Variants in ME3 observed in about 807,000 individuals in gnomAD.
ME3 encodes the protein malic enzyme 3.
A neutral mutation model predicts 68.9 loss-of-function variants in ME3; 48 were observed. That is an observed-to-expected ratio of 0.70 (90% confidence interval 0.55 to 0.89). ME3 has a LOEUF of 0.89. Among genes scored for constraint, ME3 ranks in the 40% least tolerant of loss-of-function variants. ME3 has a pLI of 0.00. For synonymous variants in ME3, 320 were observed against 318.8 expected (o/e 1.00, Z -0.04); for missense variants, 675 against 797.4 (o/e 0.85, Z 1.85).
intron 4 of ME3, among the ~76,000 whole-genome samples, chr11:86,535,720 T>C (rs1955605988): frequency 6.6e-6 from 1 of 152,234 alleles, no homozygotes; most frequent in African/African-American, 2.4e-5. Flanking sequence ...TTACATTTAC[T>C]TTTTACATTC....
intron 2 of ME3, among the ~76,000 whole-genome samples, chr11:86,617,828 A>C (rs1446441704): frequency 6.6e-6 from 1 of 152,218 alleles, no homozygotes; most frequent in African/African-American, 2.4e-5. Context: ...GCTAAACTGC[A>C]GCACAGATGT....
chr11:86,453,302 A>T (rs1949739433), intron 8 of ME3, among the ~76,000 whole-genome samples: 1 of 152,148 alleles, frequency 6.6e-6, no homozygotes, highest in South Asian at 2.1e-4. Context: ...ACCTGGCCAG[A>T]GTTGTTTTTG....
At chr11:86,615,679 G>A (rs1048412472) in intron 2 of ME3, among the ~76,000 whole-genome samples, 5 of 152,114 alleles carry the variant, frequency 3.3e-5, no homozygotes, top group Admixed American at 1.3e-4. Flanking sequence ...GTGGTGTGAG[G>A]TAAGTAGCAG....
intron 13 of ME3, 84 bp from the exon 14 acceptor site, chr11:86,443,003 C>T (rs1397854313): frequency 9.6e-7 from 1 of 1,039,482 alleles, no homozygotes; most frequent in African/African-American, 1.6e-5. Flanking sequence ...CAGAGACTCA[C>T]CCCACCCTGC....
At chr11:86,450,583 T>C (rs1949573775) in intron 8 of ME3, among the ~76,000 whole-genome samples, 185 bp from the exon 9 acceptor site, 1 of 152,232 alleles carries the variant, frequency 6.6e-6, no homozygotes, top group Admixed American at 6.5e-5. Context: ...AACTTTTTTG[T>C]TGTTGAAGTT....
At chr11:86,547,571 G>GTA (rs1956441190) in intron 4 of ME3, among the ~76,000 whole-genome samples, 2 of 152,008 alleles carry the variant, frequency 1.3e-5, no homozygotes, top group African/African-American at 2.4e-5. Flanking sequence ...CATGGCATGT[G>GTA]TATACCTATG....
intron 4 of ME3, among the ~76,000 whole-genome samples, chr11:86,510,088 C>T (rs146274418): frequency 6.6e-6 from 1 of 152,298 alleles, no homozygotes; most frequent in African/African-American, 2.4e-5. Flanking sequence ...TTCTTTCACT[C>T]TCCTCCCTTC....
intron 3 of ME3, among the ~76,000 whole-genome samples, chr11:86,557,895 C>A (rs375354953): frequency 6.6e-6 from 1 of 152,190 alleles, no homozygotes; most frequent in Non-Finnish European, 1.5e-5. Flanking sequence ...TATCCCGCCC[C>A]TCACCCAGCA....
At position 86,537,503 on chromosome 11, in the gene ME3, G is replaced by A. The variant is rs1345420457; in HGVS notation, c.467+19050C>T. On this transcript the variant is annotated intron_variant, in intron 4 of 14. Transcript: ENST00000543262. The stretch of plus-strand genomic sequence containing the variant: ...ACTGATTTGTGCCCATGCCCTGCCC[G>A]TGGGGCAGGGAGTCATTTTTCCCCT... 3.3e-5 allele frequency among the ~76,000 whole-genome samples: 5 copies of A among 152,078 alleles called. No homozygotes were observed. The East Asian group carries it at 5.8e-4, about 18-fold the overall frequency.
At chr11:86,640,535 G>A (rs999672248) in intron 2 of ME3, among the ~76,000 whole-genome samples, 5 of 152,194 alleles carry the variant, frequency 3.3e-5, no homozygotes, top group African/African-American at 1.2e-4. Flanking sequence ...GACTGGACAG[G>A]CCTTAGCCAT....
intron 4 of ME3, among the ~76,000 whole-genome samples, chr11:86,530,898 A>T (rs71465638): frequency 2.9e-5 from 3 of 102,698 alleles, no homozygotes; most frequent in Admixed American, 1.0e-4. Context: ...TAAAAACCCT[A>T]GAAGAAAACC....
At chr11:86,610,850 G>T (rs1330857737) in intron 2 of ME3, among the ~76,000 whole-genome samples, 1 of 152,170 alleles carries the variant, frequency 6.6e-6, no homozygotes, top group African/African-American at 2.4e-5. Context: ...CAACAAATAG[G>T]TGATAAGTGT....
At chr11:86,621,312 T>C (rs1212943797) in intron 2 of ME3, among the ~76,000 whole-genome samples, 1 of 152,234 alleles carries the variant, frequency 6.6e-6, no homozygotes, top group Non-Finnish European at 1.5e-5. Context: ...TTGTTTTTAT[T>C]GGCATAGAAT....
chr11:86,491,999 A>G (rs1415663168), intron 6 of ME3, among the ~76,000 whole-genome samples: 1 of 152,192 alleles, frequency 6.6e-6, no homozygotes, highest in African/African-American at 2.4e-5. Flanking sequence ...AGGGGAAAGG[A>G]CACTGCTGGT....
At chr11:86,600,279 C>T (rs1960378491) in intron 2 of ME3, among the ~76,000 whole-genome samples, 1 of 152,030 alleles carries the variant, frequency 6.6e-6, no homozygotes, top group East Asian at 1.9e-4. Context: ...AAATGGAAAA[C>T]AAAAAAGGCA....
intron 7 of ME3, among the ~76,000 whole-genome samples, chr11:86,469,250 A>G (rs879877087): frequency 6.6e-5 from 10 of 152,070 alleles, no homozygotes; most frequent in Non-Finnish European, 1.0e-4. Flanking sequence ...AACCTACTTA[A>G]TATTTGGGGC....
chr11:86,455,807 C>G (rs571026223), intron 8 of ME3, among the ~76,000 whole-genome samples: 3 of 152,292 alleles, frequency 2.0e-5, no homozygotes, highest in African/African-American at 7.2e-5. Context: ...ATATCATGGT[C>G]AGGCTCAGCA....
At chr11:86,472,420 CTG>C (rs1269057447) in intron 7 of ME3, among the ~76,000 whole-genome samples, 2 of 152,156 alleles carry the variant, frequency 1.3e-5, no homozygotes, top group Non-Finnish European at 1.5e-5. Context: ...GGAGGACAGA[CTG>C]GAGACAAGGA....
chr11:86,534,588 C>T (rs148923762), intron 4 of ME3, among the ~76,000 whole-genome samples: 8,090 of 152,112 alleles, frequency 0.053, 289 homozygotes, highest in Non-Finnish European at 0.082. Context: ...GGCAGGAGAA[C>T]TGCTTAAACC....
Sources: allele counts gnomAD v4.1 joint callset (sites outside exome capture counted in the v4.1 genomes callset), GRCh38; gene constraint gnomAD v4.1.1; transcripts MANE v1.5; gene names NCBI Gene and HGNC (gene_info 2026-07-23, HGNC 2026-07-21).